Variants in AOX1 observed in about 807,000 individuals in gnomAD.
The protein encoded by AOX1 is aldehyde oxidase 1.
AOX1 carries 153 observed loss-of-function variants against 169.5 expected under a neutral mutation model. That is an observed-to-expected ratio of 0.90 (90% CI 0.79 to 1.03). AOX1 has a LOEUF of 1.03. Among genes scored for constraint, AOX1 ranks in the 50% least tolerant of loss-of-function variants. The pLI is 0.00. For missense variants in AOX1, 1,656 were observed against 1,663.9 expected, an observed-to-expected ratio of 1.00 and a Z score of 0.08; for synonymous variants, 562 against 581.9, an observed-to-expected ratio of 0.97 and a Z score of 0.49.
intron 7 of AOX1, among the ~76,000 whole-genome samples, 171 bp downstream of exon 7, chr2:200,603,527 C>A (rs1190787522): frequency 6.6e-6 from 1 of 152,174 alleles, no homozygotes; most frequent in Non-Finnish European, 1.5e-5. Flanking sequence ...ATCGCAGCAA[C>A]TTTGTCCTCA....
At position 200,613,958 on chromosome 2, in the gene AOX1, A is replaced by G. The variant is rs752761750; in HGVS notation, c.1603A>G (p.Lys535Glu). The G allele has an allele frequency of 1.1e-5, 17 of 1,611,932 alleles. No individual in the cohort carries two copies. The highest frequency in any genetic ancestry group is 1.4e-5 in the Non-Finnish European group (17 of 1,179,892). Residue 535 changes from lysine (K) to glutamate (E), a missense_variant, in exon 15 of 35, where the codon AAA (lysine) becomes GAA (glutamate). Physicochemically the swap from Lys to Glu is moderately conservative, Grantham distance 56 (BLOSUM62 1). Transcript: ENST00000374700. The part of the protein sequence containing the change: ...KFYLEVSQIL[K>E]KMDPVHYPSL... ...CTACCTGGAAGTGTCACAGATTTTG[A>G]AAAAGATGGTAAACAACTGTTTACA...
chr2:200,623,937 TGAA>T lies in AOX1; in HGVS notation c.2081_2083del (p.Lys694del). 1 of 1,614,062 alleles carries T rather than the reference TGAA, an allele frequency of 6.2e-7. No homozygotes were observed. The highest frequency in any genetic ancestry group is 8.5e-7 in the Non-Finnish European group (1 of 1,179,990). On this transcript the variant is annotated inframe_deletion, in exon 19 of 35. Coordinates refer to ENST00000374700, the MANE Select transcript of AOX1 (RefSeq NM_001159.4). Reference sequence around the variant, plus strand: ...CAGGCAAAGCGAGCTGCTAAGCGAGTGAAGATTGTCTATCAAGACTTGGAGCCG... The same window carrying T: ...CAGGCAAAGCGAGCTGCTAAGCGAGTGATTGTCTATCAAGACTTGGAGCCG...
At chr2:200,631,564 T>G (rs1454405358) in intron 20 of AOX1, among the ~76,000 whole-genome samples, 1 of 152,154 alleles carries the variant, frequency 6.6e-6, no homozygotes, top group African/African-American at 2.4e-5. Flanking sequence ...CATACTGGGA[T>G]AACATTTTAT....
Position 200,613,877 on chromosome 2 carries a change from C to T in AOX1, c.1522C>T (p.Pro508Ser), listed in dbSNP as rs1230063917. The T allele has an allele frequency of 4.3e-6, 7 of 1,612,588 alleles. No homozygotes were observed. The highest frequency in any genetic ancestry group is 4.5e-5 in the East Asian group (2 of 44,882). ...LNEVSLLGSA[P>S]GGKVEFKRTL... ...TGAAGTCTCCCTTTTGGGCTCGGCG[C>T]CAGGTGGGAAAGTGGAGTTCAAGAG... Residue 508 changes from proline to serine, a missense_variant, in exon 15 of 35, where the codon CCA becomes TCA. Transcript: ENST00000374700.
At chr2:200,609,503 G>T in intron 12 of AOX1, 89 bp downstream of exon 12, 1 of 1,132,948 alleles carries the variant, frequency 8.8e-7, no homozygotes, top group South Asian at 1.3e-5. Context: ...TCTTGAAAAT[G>T]ACTTTTCCCT....
chr2:200,642,919 TC>T, intron 25 of AOX1, 118 bp downstream of exon 25: 3 of 996,650 alleles, frequency 3.0e-6, no homozygotes, highest in Non-Finnish European at 4.4e-6. Flanking sequence ...TTGTGCCAAG[TC>T]CCCCAGCTAA....
In AOX1 at chr2:200,647,101, G is replaced by T. The variant is rs577972246; in HGVS notation, c.2848-3873G>T. On this transcript the variant is annotated intron_variant, in intron 25 of 34. Transcript: ENST00000374700. Reference sequence around the variant, plus strand: ...TGAAATGTGAGGTACCATTGCATTTGCCATGCTTTTTGTTGCCTGTGTACT... The same window carrying T: ...TGAAATGTGAGGTACCATTGCATTTTCCATGCTTTTTGTTGCCTGTGTACT... 9.2e-5 allele frequency among the ~76,000 whole-genome samples: 14 copies of T among 151,776 alleles called. No homozygotes were observed. The East Asian group carries it at 2.7e-3, about 30-fold the overall frequency.
chr2:200,663,806 C>T (rs986702027), intron 31 of AOX1, among the ~76,000 whole-genome samples: 7 of 152,166 alleles, frequency 4.6e-5, no homozygotes, highest in African/African-American at 1.7e-4. Context: ...TACCTAGAAG[C>T]AAGCTCTAGT....
At chr2:200,668,009 C>T in intron 32 of AOX1, among the ~76,000 whole-genome samples, 1 of 152,118 alleles carries the variant, frequency 6.6e-6, no homozygotes, top group Non-Finnish European at 1.5e-5. Context: ...TCTGTGAAGA[C>T]TCTTCCTGAG....
intron 2 of AOX1, among the ~76,000 whole-genome samples, chr2:200,594,013 T>C (rs1195878019): frequency 6.6e-6 from 1 of 152,166 alleles, no homozygotes; most frequent in African/African-American, 2.4e-5. Flanking sequence ...TCTTTCTCAT[T>C]GTGTTAGTTC....
At chr2:200,662,487 A>G (rs2105771058) in intron 30 of AOX1, among the ~76,000 whole-genome samples, 1 of 152,290 alleles carries the variant, frequency 6.6e-6, no homozygotes, top group East Asian at 1.9e-4. Flanking sequence ...AGATAGACAA[A>G]GCAGGCAAGC....
intron 26 of AOX1, among the ~76,000 whole-genome samples, chr2:200,655,376 G>C (rs1424823425): frequency 6.6e-6 from 1 of 151,998 alleles, no homozygotes; most frequent in Non-Finnish European, 1.5e-5. Flanking sequence ...CTCTGTAGAG[G>C]AAAACTCTTC....
At chr2:200,605,000 A>G (rs1335977851) in intron 9 of AOX1, among the ~76,000 whole-genome samples, 160 bp downstream of exon 9, 1 of 152,352 alleles carries the variant, frequency 6.6e-6, no homozygotes, top group African/African-American at 2.4e-5. Flanking sequence ...AGCATTGCTC[A>G]AGAGACTTTC....
intron 27 of AOX1, among the ~76,000 whole-genome samples, chr2:200,658,760 A>G (rs1007222257): frequency 3.3e-5 from 5 of 152,220 alleles, no homozygotes; most frequent in Non-Finnish European, 7.3e-5. Flanking sequence ...TCCCTGGGGC[A>G]ACTCCAGAAA....
intron 27 of AOX1, among the ~76,000 whole-genome samples, chr2:200,657,176 A>G (rs1453809435): frequency 3.2e-5 from 2 of 63,340 alleles, no homozygotes; most frequent in Non-Finnish European, 6.3e-5. Context: ...ATATATATAT[A>G]TATATATATA....
At chr2:200,661,982 A>G (rs1042186277) in intron 30 of AOX1, among the ~76,000 whole-genome samples, 19 of 152,210 alleles carry the variant, frequency 1.2e-4, no homozygotes, top group African/African-American at 4.6e-4. Context: ...AAACAAAGGT[A>G]GGGGAAAGCA....
chr2:200,631,222 T>C (rs1372460220), intron 20 of AOX1, among the ~76,000 whole-genome samples: 1 of 152,206 alleles, frequency 6.6e-6, no homozygotes, highest in Admixed American at 6.5e-5. Context: ...ATGAGCCAGC[T>C]GAGGCTAGAG....
intron 25 of AOX1, among the ~76,000 whole-genome samples, chr2:200,646,892 G>T (rs565688994): frequency 4.6e-5 from 7 of 152,126 alleles, no homozygotes; most frequent in Admixed American, 2.0e-4. Context: ...ACTCCTGCTC[G>T]CTTTTGGTGT....
chr2:200,657,186 A>ATTTTTTTTTTT (rs1323706482), intron 27 of AOX1, among the ~76,000 whole-genome samples: 36 of 65,730 alleles, frequency 5.5e-4, no homozygotes, highest in African/African-American at 2.1e-3. Context: ...ATATATATAT[A>ATTTTTTTTTTT]TATATTTTTT....
Sources: gnomAD v4.1 joint callset for allele counts (sites outside exome capture counted in the v4.1 genomes callset) on GRCh38, gnomAD v4.1.1 for gene constraint, MANE v1.5 for transcripts, NCBI Gene and HGNC (gene_info 2026-07-23, HGNC 2026-07-21) for gene names.